The following SCCPDH variants were observed in gnomAD, a reference collection of about 807,000 sequenced individuals.
SCCPDH encodes saccharopine dehydrogenase (putative), also known as saccharopine dehydrogenase-like oxidoreductase.
SCCPDH carries 34 observed loss-of-function variants against 51.5 expected under a neutral mutation model. The observed-to-expected ratio is 0.66, with a 90% CI of 0.50 to 0.88. The LOEUF (loss-of-function observed/expected upper bound fraction) is 0.88, where lower values mean the gene tolerates loss of function less well. SCCPDH is among the 40% of genes least tolerant of loss of function. SCCPDH has a pLI of 0.00. For synonymous variants in SCCPDH, 187 were observed against 191.3 expected (o/e 0.98, Z 0.19); for missense variants, 464 against 527.1 (o/e 0.88, Z 1.17).
intron 5 of SCCPDH, chr1:246,755,694 G>A (rs1276674339): frequency 6.5e-6 from 1 of 152,960 alleles, no homozygotes; most frequent in Non-Finnish European, 1.5e-5. Context: ...GTACACATAA[G>A]CGCATTTCCT....
At chr1:246,738,067 A>C (rs1668624454) in intron 3 of SCCPDH, among the ~76,000 whole-genome samples, 1 of 152,138 alleles carries the variant, frequency 6.6e-6, no homozygotes, top group South Asian at 2.1e-4. Flanking sequence ...ATGGTGGTGC[A>C]CGTCTGCAAT....
intron 5 of SCCPDH, 84 bp from the exon 6 acceptor site, chr1:246,758,142 G>A (rs114812711): frequency 1.4e-4 from 140 of 1,026,162 alleles, no homozygotes; most frequent in Non-Finnish European, 1.9e-4. Context: ...GTGAAATATT[G>A]TTTGTAACAA....
intron 5 of SCCPDH, among the ~76,000 whole-genome samples, chr1:246,746,086 C>CGACA (rs1445551841): frequency 7.7e-6 from 1 of 129,386 alleles, no homozygotes; most frequent in African/African-American, 3.0e-5. Flanking sequence ...CCAGCCTGGG[C>CGACA]GACAGAGCGA....
chr1:246,757,172 C>T (rs1269333587), intron 5 of SCCPDH, among the ~76,000 whole-genome samples: 3 of 151,890 alleles, frequency 2.0e-5, no homozygotes, highest in Non-Finnish European at 4.4e-5. Context: ...GGTGAAACCC[C>T]GTCTTTACTA....
chr1:246,753,671 G>A (rs1668888638), intron 5 of SCCPDH, among the ~76,000 whole-genome samples: 1 of 151,990 alleles, frequency 6.6e-6, no homozygotes, highest in Admixed American at 6.6e-5. Context: ...TGGCCAGAAG[G>A]GTGTTCACGT....
chr1:246,738,919 A>G (rs1200285778), intron 3 of SCCPDH, among the ~76,000 whole-genome samples: 1 of 152,226 alleles, frequency 6.6e-6, no homozygotes, highest in Non-Finnish European at 1.5e-5. Context: ...AGAATTCCAA[A>G]TGATTTATGT....
At chr1:246,724,662 C>A (rs1428010852) in intron 1 of SCCPDH, 50 bp downstream of exon 1, 22 of 1,391,914 alleles carry the variant, frequency 1.6e-5, no homozygotes, top group South Asian at 4.5e-5. Context: ...GGCCGGGGAC[C>A]CCGCATCGCC....
In SCCPDH at chr1:246,743,294, A is replaced by C. The variant is rs570996114; in HGVS notation, c.515-782A>C. Among the ~76,000 whole-genome samples, 4 of 152,184 alleles carry C rather than the reference A, an allele frequency of 2.6e-5. No homozygotes were observed. The South Asian group carries it at 6.2e-4, about 24-fold the overall frequency. On this transcript the variant is annotated intron_variant, in intron 4 of 11. Coordinates refer to ENST00000366510, the MANE Select transcript of SCCPDH (RefSeq NM_016002.3). Reference sequence around the variant, plus strand: ...ACTGCAGCTGGCTAATTTTTTTAAAAAAATTGGGGGCCGGGCATGGTGGCT... The same window carrying C: ...ACTGCAGCTGGCTAATTTTTTTAAACAAATTGGGGGCCGGGCATGGTGGCT...
chr1:246,751,929 C>T lies in SCCPDH; in HGVS notation c.565-6297C>T, dbSNP rs552123193. Reference sequence around the variant, plus strand: ...CTGGGGCTACAGGCTCCCGCCACCACGCCCGGCTAATTTTTTTTTTTTTGT... The same window carrying T: ...CTGGGGCTACAGGCTCCCGCCACCATGCCCGGCTAATTTTTTTTTTTTTGT... On this transcript the variant is annotated intron_variant, in intron 5 of 11. Transcript: ENST00000366510. 8.1e-5 allele frequency among the ~76,000 whole-genome samples: 11 copies of T among 136,266 alleles called. No individual in the cohort carries two copies. In the East Asian group the frequency reaches 1.8e-3, roughly 22 times the overall value. The allele number at this position is 136,266 out of a possible 152,430, so 89.4% of individuals were successfully genotyped here. A position where few individuals can be genotyped will look rare whatever the true frequency, so the allele number is the denominator to read the frequency against.
At chr1:246,737,630 C>T (rs1329735709) in intron 3 of SCCPDH, among the ~76,000 whole-genome samples, 2 of 151,872 alleles carry the variant, frequency 1.3e-5, no homozygotes, top group African/African-American at 2.4e-5. Flanking sequence ...CTCTCTCTCT[C>T]ACCCAGGCTG....
intron 5 of SCCPDH, among the ~76,000 whole-genome samples, chr1:246,752,650 G>A (rs1668866713): frequency 6.6e-6 from 1 of 151,912 alleles, no homozygotes; most frequent in Non-Finnish European, 1.5e-5. Flanking sequence ...GGAGGAATCT[G>A]TAACTTTCCT....
chr1:246,724,697 G>A, intron 1 of SCCPDH, 85 bp downstream of exon 1: 1 of 1,240,184 alleles, frequency 8.1e-7, no homozygotes, highest in Non-Finnish European at 1.1e-6. Flanking sequence ...CTCCCGCAGG[G>A]ATGCGCCCTA....
chr1:246,759,165 G>C lies in SCCPDH; in HGVS notation c.813+14G>C. 3 of 1,266,456 alleles carry C rather than the reference G, an allele frequency of 2.4e-6. No individual in the cohort carries two copies. The highest frequency in any genetic ancestry group is 3.5e-6 in the Non-Finnish European group (3 of 864,032). The allele number at this position is 1,266,456 out of a possible 1,614,324, so 78.5% of individuals were successfully genotyped here. A position where few individuals can be genotyped will look rare whatever the true frequency, so the allele number is the denominator to read the frequency against. On this transcript the variant is annotated intron_variant, in intron 7 of 11. Coordinates refer to ENST00000366510, the MANE Select transcript of SCCPDH (RefSeq NM_016002.3). ...GAGGAATCACCAGTAAGTATATATG[G>C]TTTATTTATCAATAAAGTGTGTGTT...
chr1:246,760,188 C>T lies in SCCPDH; in HGVS notation c.951C>T (p.Ser317=), dbSNP rs1668991369. The T allele has an allele frequency of 6.2e-6, 10 of 1,610,334 alleles. No homozygotes were observed. Among genetic ancestry groups the T allele is most frequent in the Middle Eastern group, 1.7e-4 (1 of 5,946 alleles). The change falls in exon 9 of 12, where the codon TCC becomes TCT. Residue 317 remains serine, a synonymous_variant. Transcript: ENST00000366510. Reference sequence around the variant, plus strand: ...CCCTTTAGTTCCCATGGTTCTTCTCCTTTGGCTATTTTTCAAAACAAGGCC... The same window carrying T: ...CCCTTTAGTTCCCATGGTTCTTCTCTTTTGGCTATTTTTCAAAACAAGGCC... The part of the protein sequence containing the change: ...QLLIKFPWFF[S]FGYFSKQGPT...
At chr1:246,728,562 G>C (rs1424152976) in intron 2 of SCCPDH, among the ~76,000 whole-genome samples, 2 of 152,218 alleles carry the variant, frequency 1.3e-5, no homozygotes, top group East Asian at 3.8e-4. Flanking sequence ...ACCTCCGGCA[G>C]CTCTGCTCTA....
At chr1:246,763,731 T>C (rs939597242) in intron 9 of SCCPDH, among the ~76,000 whole-genome samples, 1 of 152,206 alleles carries the variant, frequency 6.6e-6, no homozygotes, top group Non-Finnish European at 1.5e-5. Flanking sequence ...ATCTGACCCT[T>C]AGTTGATACT....
At chr1:246,741,377 G>GT (rs1553273219) in intron 4 of SCCPDH, among the ~76,000 whole-genome samples, 2 of 151,480 alleles carry the variant, frequency 1.3e-5, no homozygotes, top group Non-Finnish European at 2.9e-5. Flanking sequence ...GTAGCTCACC[G>GT]TAACGAATGC....
chr1:246,750,691 T>C (rs1243239205), intron 5 of SCCPDH, among the ~76,000 whole-genome samples: 2 of 152,236 alleles, frequency 1.3e-5, no homozygotes, highest in Non-Finnish European at 2.9e-5. Context: ...TTTCAACTAA[T>C]GCCTTGACTA....
rs1040126046 is a variant in SCCPDH, at chr1:246,762,688, G to C, written c.991-1558G>C. ...AAACTTCATCTCTACTAAAAATACA[G>C]AAATTAGCTGGACATGGTGGTGCAC... On this transcript the variant is annotated intron_variant, in intron 9 of 11. Transcript: ENST00000366510. Among the ~76,000 whole-genome samples the C allele has an allele frequency of 2.6e-5, 4 of 151,764 alleles. No homozygotes were observed. The East Asian group carries it at 7.7e-4, about 29-fold the overall frequency.
Sources: gnomAD v4.1 joint callset for allele counts (sites outside exome capture counted in the v4.1 genomes callset) on GRCh38, gnomAD v4.1.1 for gene constraint, MANE v1.5 for transcripts, NCBI Gene and HGNC (gene_info 2026-07-23, HGNC 2026-07-21) for gene names.